The following TF variants were observed in gnomAD, a reference collection of about 807,000 sequenced individuals.
TF encodes transferrin.
A neutral mutation model predicts 82.4 loss-of-function variants in TF; 55 were observed. The observed-to-expected ratio is 0.67, with a 90% confidence interval of 0.54 to 0.84. The LOEUF (loss-of-function observed/expected upper bound fraction) is 0.84. Ranked by LOEUF, TF falls within the 40% of genes least tolerant of loss-of-function variation. TF has a pLI of 0.00. For synonymous variants in TF, 332 were observed against 332.6 expected, an observed-to-expected ratio of 1.00 and a Z score of 0.02; for missense variants, 737 against 868.4, an observed-to-expected ratio of 0.85 and a Z score of 1.90.
At chr3:133,687,920 G>C in the TF span, among the ~76,000 whole-genome samples, 1 of 152,028 alleles carries the variant, frequency 6.6e-6, no homozygotes, top group Non-Finnish European at 1.5e-5. Context: ...TTGAATCCCT[G>C]TTGTCAATTC....
chr3:133,754,938 A>T (rs528535342), intron 4 of TF, among the ~76,000 whole-genome samples: 2 of 152,338 alleles, frequency 1.3e-5, no homozygotes, highest in East Asian at 3.9e-4. Context: ...AGAGGGTTTC[A>T]GTCTAGGCGA....
the TF span, among the ~76,000 whole-genome samples, chr3:133,692,209 G>A: frequency 6.6e-6 from 1 of 152,200 alleles, no homozygotes; most frequent in Non-Finnish European, 1.5e-5. Flanking sequence ...AACAGAACAT[G>A]GGCCTGGATT....
the TF span, among the ~76,000 whole-genome samples, chr3:133,687,033 G>A: frequency 6.6e-6 from 1 of 152,184 alleles, no homozygotes; most frequent in Non-Finnish European, 1.5e-5. Context: ...GGATGAGTTT[G>A]TGTCCTTTGT....
chr3:133,678,687 T>C, the TF span, among the ~76,000 whole-genome samples: 8 of 152,232 alleles, frequency 5.3e-5, no homozygotes, highest in Admixed American at 3.9e-4. Context: ...TCATATCCTT[T>C]GCCCACTTTT....
chr3:133,748,065 T>C lies in TF; in HGVS notation c.44-347T>C, dbSNP rs929436368. On this transcript the variant is annotated intron_variant, in intron 1 of 16. Coordinates refer to ENST00000402696, the MANE Select transcript of TF (RefSeq NM_001063.4). The stretch of plus-strand genomic sequence containing the variant: ...GGGGTAGCTGAAAACGCCCTGTGCA[T>C]ACTGAGGCTTATGTTCCATGGGGGG... The C allele has an allele frequency of 2.6e-5, 9 of 349,446 alleles. No homozygotes were observed. The East Asian group carries it at 4.9e-4, about 19-fold the overall frequency. 21.6% of individuals were successfully genotyped at this position (349,446 alleles called of 1,614,324 possible). A position where few individuals can be genotyped will look rare whatever the true frequency, so the allele number is the denominator to read the frequency against.
At chr3:133,669,584 C>A in the TF span, among the ~76,000 whole-genome samples, 95 of 152,286 alleles carry the variant, frequency 6.2e-4, no homozygotes, top group African/African-American at 2.1e-3. Context: ...AAGGAAATTT[C>A]TTGCACTACC....
At chr3:133,682,260 C>A in the TF span, among the ~76,000 whole-genome samples, 1 of 152,188 alleles carries the variant, frequency 6.6e-6, no homozygotes, top group African/African-American at 2.4e-5. Flanking sequence ...GAAACCAGAG[C>A]AGAAAAGCTG....
rs1934528952 is a variant in TF at position 133,782,192 on chromosome 3, T to C, written c.*3572T>C. 1 of 152,246 alleles carries C rather than the reference T, an allele frequency of 6.6e-6. No individual in the cohort carries two copies. The highest frequency in any genetic ancestry group is 2.4e-5 in the African/African-American group (1 of 41,452). The allele number at this position is 152,246 out of a possible 1,614,324, so 9.4% of individuals were successfully genotyped here. A position where few individuals can be genotyped will look rare whatever the true frequency, so the allele number is the denominator to read the frequency against. On this transcript the variant is annotated 3_prime_UTR_variant, in exon 17 of 17. Coordinates refer to ENST00000402696, the MANE Select transcript of TF (RefSeq NM_001063.4). The stretch of plus-strand genomic sequence containing the variant: ...GAAGAGAACAGAAAACCTTTGTGCA[T>C]TGTTGGTGAGAATGTACAGCCATTG...
chr3:133,727,801 T>G, the TF span, among the ~76,000 whole-genome samples: 9 of 121,910 alleles, frequency 7.4e-5, no homozygotes, highest in African/African-American at 2.4e-4. Context: ...TACCGGTTGT[T>G]CCTTTCCATG....
chr3:133,698,354 T>A, the TF span, among the ~76,000 whole-genome samples: 1 of 152,364 alleles, frequency 6.6e-6, no homozygotes, highest in Admixed American at 6.5e-5. Context: ...ACATCTGTAT[T>A]CGTTTTCTAG....
upstream of TF, among the ~76,000 whole-genome samples, chr3:133,743,875 C>T (rs1377974310): frequency 6.6e-6 from 1 of 152,174 alleles, no homozygotes; most frequent in African/African-American, 2.4e-5. Context: ...ACAGCTAGGG[C>T]CATGCACACA....
the TF span, among the ~76,000 whole-genome samples, chr3:133,730,902 G>T: frequency 1.3e-5 from 2 of 152,130 alleles, no homozygotes; most frequent in Admixed American, 6.5e-5. Context: ...ACCCTAGGGG[G>T]TTGGTAAGTC....
the TF span, among the ~76,000 whole-genome samples, chr3:133,728,874 A>C: frequency 6.6e-6 from 1 of 152,278 alleles, no homozygotes; most frequent in South Asian, 2.1e-4. Flanking sequence ...CTTTTACCAG[A>C]CAGGACCCTC....
At chr3:133,771,222 C>A (rs1456408342) in intron 14 of TF, among the ~76,000 whole-genome samples, 1 of 152,120 alleles carries the variant, frequency 6.6e-6, no homozygotes, top group Non-Finnish European at 1.5e-5. Context: ...CATACAAGAA[C>A]CAATTTGAAG....
At chr3:133,710,909 C>T in the TF span, among the ~76,000 whole-genome samples, 53 of 152,294 alleles carry the variant, frequency 3.5e-4, no homozygotes, top group African/African-American at 1.0e-3. Context: ...AACTCCCTGC[C>T]GCCTGGCTCC....
chr3:133,754,016 G>T, intron 3 of TF: 2 of 491,108 alleles, frequency 4.1e-6, no homozygotes, highest in South Asian at 2.1e-5. Context: ...AGGGTCCCTG[G>T]AGGCCTCTGG....
chr3:133,677,948 T>C, the TF span, among the ~76,000 whole-genome samples: 1 of 152,148 alleles, frequency 6.6e-6, no homozygotes, highest in Non-Finnish European at 1.5e-5. Flanking sequence ...GCCATGGTGG[T>C]TTGCTGCACC....
chr3:133,717,488 T>C, the TF span, among the ~76,000 whole-genome samples: 1 of 152,258 alleles, frequency 6.6e-6, no homozygotes, highest in Admixed American at 6.5e-5. Flanking sequence ...TTTTGGTTTC[T>C]CAGGCTACCT....
upstream of TF, among the ~76,000 whole-genome samples, chr3:133,743,820 A>G (rs898416610): frequency 1.3e-5 from 2 of 152,126 alleles, no homozygotes; most frequent in Non-Finnish European, 2.9e-5. Context: ...TTAACCTCTT[A>G]CCTTCACATG....
Sources: gnomAD v4.1 joint callset for allele counts (sites outside exome capture counted in the v4.1 genomes callset) on GRCh38, gnomAD v4.1.1 for gene constraint, MANE v1.5 for transcripts, NCBI Gene and HGNC (gene_info 2026-07-23, HGNC 2026-07-21) for gene names.